INTS7: variants seen among roughly 807,000 people sequenced by gnomAD.
The protein encoded by INTS7 is integrator complex subunit 7.
Under a neutral mutation model 109.2 loss-of-function variants are expected in INTS7, and 46 were observed. The observed-to-expected ratio is 0.42, with a 90% CI of 0.33 to 0.54. The LOEUF is 0.54. Ranked by LOEUF, INTS7 falls within the 20% of genes least tolerant of loss-of-function variation. INTS7 has a pLI of 0.07. For missense variants in INTS7, 929 were observed against 1,132.4 expected (o/e 0.82, Z 2.58); for synonymous variants, 412 against 402.9 (o/e 1.02, Z -0.27).
intron 1 of INTS7, 59 bp downstream of exon 1, chr1:212,035,285 C>CTGG: frequency 8.7e-7 from 1 of 1,151,042 alleles, no homozygotes; most frequent in African/African-American, 1.5e-5. Flanking sequence ...CAACCACCAC[C>CTGG]TGGTGGCGCC....
chr1:212,011,726 A>G (rs1666174404), intron 4 of INTS7: 3 of 259,636 alleles, frequency 1.2e-5, no homozygotes, highest in Non-Finnish European at 2.2e-5. Context: ...TTATATAACA[A>G]CAGGGCCTGA....
At chr1:212,015,133 G>T (rs1248833863) in intron 4 of INTS7, among the ~76,000 whole-genome samples, 1 of 151,696 alleles carries the variant, frequency 6.6e-6, no homozygotes, top group African/African-American at 2.4e-5. Context: ...GGAGGGAGGT[G>T]GGGGGCAGCC....
chr1:211,950,638 T>C (rs937919808), intron 17 of INTS7, among the ~76,000 whole-genome samples: 2 of 152,238 alleles, frequency 1.3e-5, no homozygotes, highest in Non-Finnish European at 2.9e-5. Context: ...CATTATTTCA[T>C]TTAAACCTCA....
intron 7 of INTS7, among the ~76,000 whole-genome samples, chr1:211,996,629 C>G (rs1356089575): frequency 1.3e-5 from 2 of 152,088 alleles, no homozygotes; most frequent in Admixed American, 6.5e-5. Flanking sequence ...AAAAATTGCT[C>G]TCATGGATAT....
intron 7 of INTS7, among the ~76,000 whole-genome samples, chr1:211,998,750 G>A (rs150503243): frequency 7.3e-5 from 11 of 150,892 alleles, no homozygotes; most frequent in African/African-American, 2.7e-4. Context: ...TATTGAGAGG[G>A]AATATTTGTA....
chr1:211,998,374 A>C (rs1417486920), intron 7 of INTS7, among the ~76,000 whole-genome samples: 1 of 152,236 alleles, frequency 6.6e-6, no homozygotes, highest in Non-Finnish European at 1.5e-5. Context: ...ATTTGCACAG[A>C]CCAATAGAAC....
At position 211,942,217 on chromosome 1, in the gene INTS7, A is replaced by C; in HGVS notation, c.2602-106T>G. On this transcript the variant is annotated intron_variant, in intron 19 of 19. Coordinates refer to ENST00000366994, the MANE Select transcript of INTS7 (RefSeq NM_015434.4). The surrounding 1 kb of genome is among the most constrained non-coding windows in gnomAD (Gnocchi z 4.2). ...GCTTATTTAGACCATGCAGACAATA[A>C]AAAATTAGGTACTGCTATCATCCTT... The C allele has an allele frequency of 3.3e-6, 4 of 1,211,368 alleles. No homozygotes were observed. Among genetic ancestry groups the C allele is most frequent in the Non-Finnish European group, 4.7e-6 (4 of 857,546 alleles). The allele number at this position is 1,211,368 out of a possible 1,614,324, so 75.0% of individuals were successfully genotyped here.
At chr1:211,995,043 G>A (rs532062446) in intron 7 of INTS7, among the ~76,000 whole-genome samples, 185 of 152,124 alleles carry the variant, frequency 1.2e-3, no homozygotes, top group African/African-American at 4.3e-3. Context: ...ATGATATGGG[G>A]TGAGGGGAAG....
chr1:211,971,418 A>G (rs1321916802), intron 13 of INTS7, among the ~76,000 whole-genome samples: 2 of 152,262 alleles, frequency 1.3e-5, no homozygotes, highest in Non-Finnish European at 2.9e-5. Context: ...GTGGGAAAAT[A>G]AATTGATGTA....
intron 16 of INTS7, among the ~76,000 whole-genome samples, chr1:211,954,208 G>A (rs1306076975): frequency 1.3e-5 from 2 of 152,176 alleles, no homozygotes; most frequent in East Asian, 3.8e-4. Context: ...CTTTTGAGAA[G>A]TGTCTGTTCA....
chr1:211,972,055 A>G (rs1664206331), intron 13 of INTS7, among the ~76,000 whole-genome samples: 1 of 152,160 alleles, frequency 6.6e-6, no homozygotes, highest in African/African-American at 2.4e-5. Context: ...GTGGAGGTGC[A>G]CATAAGAATT....
intron 11 of INTS7, among the ~76,000 whole-genome samples, chr1:211,976,964 TCAAA>T (rs1198369188): frequency 1.3e-5 from 2 of 152,040 alleles, no homozygotes; most frequent in African/African-American, 2.4e-5. Context: ...TATAACATAA[TCAAA>T]CAATGAGATA....
chr1:212,015,115 C>CCCGT (rs1323918182), intron 4 of INTS7, among the ~76,000 whole-genome samples: 1 of 149,822 alleles, frequency 6.7e-6, no homozygotes, highest in Non-Finnish European at 1.5e-5. Flanking sequence ...GGGCAGCCGC[C>CCCGT]CCGTCCGGGA....
At chr1:212,022,438 T>C (rs1472905518) in intron 1 of INTS7, among the ~76,000 whole-genome samples, 2 of 152,206 alleles carry the variant, frequency 1.3e-5, no homozygotes, top group African/African-American at 2.4e-5. Context: ...TCCACAGTTG[T>C]TGTAATTCCA....
At position 212,011,367 on chromosome 1, in the gene INTS7, A is replaced by G. The variant is rs1345800345; in HGVS notation, c.556+8T>C. The G allele has an allele frequency of 6.7e-7, 1 of 1,489,064 alleles. No individual in the cohort carries two copies. Among genetic ancestry groups the G allele is most frequent in the Non-Finnish European group, 9.3e-7 (1 of 1,074,886 alleles). The allele number at this position is 1,489,064 out of a possible 1,614,324, so 92.2% of individuals were successfully genotyped here. ...GTCACTTCATAATACTAAATGAAGA[A>G]TACATACCTTGAATCATTTCACTGA... On this transcript the variant is annotated splice_region_variant and intron_variant, in intron 5 of 19. Coordinates refer to ENST00000366994, the MANE Select transcript of INTS7 (RefSeq NM_015434.4).
chr1:212,027,058 C>T (rs772078946), intron 1 of INTS7, among the ~76,000 whole-genome samples: 7 of 152,156 alleles, frequency 4.6e-5, no homozygotes, highest in Non-Finnish European at 1.0e-4. Flanking sequence ...AACAACGCCA[C>T]GGGGTAAATG....
At chr1:211,964,389 T>C (rs1372525042) in intron 16 of INTS7, among the ~76,000 whole-genome samples, 1 of 151,838 alleles carries the variant, frequency 6.6e-6, no homozygotes, top group Non-Finnish European at 1.5e-5. Flanking sequence ...AAAATGGCCA[T>C]ACTGCCCAAA....
chr1:211,956,128 A>G (rs1663350758), intron 16 of INTS7, among the ~76,000 whole-genome samples: 1 of 152,162 alleles, frequency 6.6e-6, no homozygotes, highest in African/African-American at 2.4e-5. Context: ...CCTTTTATAT[A>G]TGTAGTTGTT....
intron 16 of INTS7, among the ~76,000 whole-genome samples, chr1:211,963,719 G>A (rs1304228082): frequency 6.6e-6 from 1 of 151,938 alleles, no homozygotes; most frequent in Non-Finnish European, 1.5e-5. Context: ...CACATAAATG[G>A]AACTAAAGCC....
Sources: allele counts gnomAD v4.1 joint callset (sites outside exome capture counted in the v4.1 genomes callset), GRCh38; gene constraint gnomAD v4.1.1; non-coding constraint Gnocchi (gnomAD v3.1); transcripts MANE v1.5; gene names NCBI Gene and HGNC (gene_info 2026-07-23, HGNC 2026-07-21).